The following GRIK1 variants were observed in gnomAD, a reference collection of about 807,000 sequenced individuals.
GRIK1 encodes glutamate ionotropic receptor kainate type subunit 1.
In GRIK1, 69 loss-of-function variants were observed where a neutral mutation model predicts 105.7. That is an observed-to-expected ratio of 0.65 (90% CI 0.54 to 0.80). GRIK1 has a LOEUF of 0.80. Ranked by LOEUF, GRIK1 falls within the 30% of genes least tolerant of loss-of-function variation. The pLI, the probability that GRIK1 is intolerant of heterozygous loss-of-function variation, is 0.00. For missense variants in GRIK1, 1,109 were observed against 1,167.3 expected (o/e 0.95, Z 0.73); for synonymous variants, 438 against 431.3 (o/e 1.02, Z -0.19).
chr21:29,821,752 T>C (rs1338335531), intron 1 of GRIK1, among the ~76,000 whole-genome samples: 1 of 152,086 alleles, frequency 6.6e-6, no homozygotes, highest in Non-Finnish European at 1.5e-5. Flanking sequence ...TGTAAGTGGT[T>C]GTGTAAGTTT....
chr21:29,907,180 AG>A (rs1291669979), intron 1 of GRIK1, among the ~76,000 whole-genome samples: 1 of 151,932 alleles, frequency 6.6e-6, no homozygotes, highest in African/African-American at 2.4e-5. Context: ...GAAAAAAAAA[AG>A]AATTCAATAC....
chr21:29,634,725 G>A lies in GRIK1; in HGVS notation c.1098+8101C>T, dbSNP rs138762543. On this transcript the variant is annotated intron_variant, in intron 7 of 17. Coordinates refer to ENST00000327783, the MANE Select transcript of GRIK1 (RefSeq NM_001330994.2). ...GCAGAGGTTCAGGAAAGGCTTTCTA[G>A]AGAAAAGAAATTCTAAGAGTTGGTC... Among the ~76,000 whole-genome samples, 6 of 152,276 alleles carry A rather than the reference G, an allele frequency of 3.9e-5. No individual in the cohort carries two copies. In the East Asian group the frequency reaches 9.7e-4, roughly 25 times the overall value.
chr21:29,815,004 T>C (rs1244929848), intron 1 of GRIK1, among the ~76,000 whole-genome samples: 1 of 152,148 alleles, frequency 6.6e-6, no homozygotes, highest in Non-Finnish European at 1.5e-5. Context: ...TTTTATAAGC[T>C]TGTTTTGAGT....
At chr21:29,634,651 C>A (rs920159617) in intron 7 of GRIK1, among the ~76,000 whole-genome samples, 1 of 152,090 alleles carries the variant, frequency 6.6e-6, no homozygotes, top group African/African-American at 2.4e-5. Context: ...TAAGTGCTAA[C>A]ATAAAGATAT....
At chr21:29,665,017 A>T (rs1363968882) in intron 4 of GRIK1, among the ~76,000 whole-genome samples, 1 of 152,228 alleles carries the variant, frequency 6.6e-6, no homozygotes, top group Admixed American at 6.5e-5. Context: ...TTCCACTGCA[A>T]GGAAAATTTT....
intron 1 of GRIK1, among the ~76,000 whole-genome samples, chr21:29,796,472 GTATAA>G (rs1208162981): frequency 6.6e-6 from 1 of 151,856 alleles, no homozygotes; most frequent in African/African-American, 2.4e-5. Context: ...AATTATATCT[GTATAA>G]TATATTATAC....
chr21:29,707,450 C>CCTTCCTTCCTTCCTT (rs2063940140), intron 1 of GRIK1, among the ~76,000 whole-genome samples: 3 of 71,546 alleles, frequency 4.2e-5, no homozygotes, highest in African/African-American at 5.7e-5. Flanking sequence ...CTCCCTCCCT[C>CCTTCCTTCCTTCCTT]CCTCCCTCCC....
rs1040273449 is a variant in GRIK1, at chr21:29,654,735, G to A, written c.780+75C>T. On this transcript the variant is annotated intron_variant, in intron 5 of 17. Transcript: ENST00000327783. ...TGACAATATCCTGCCTTTGACACTG[G>A]TGAGGCCGACTCTGAAATAACTGTG... 8.0e-5 allele frequency: 69 copies of A among 861,510 alleles called. No homozygotes were observed. The African/African-American group carries it at 1.1e-3, about 13-fold the overall frequency. The allele number at this position is 861,510 out of a possible 1,614,324, so 53.4% of individuals were successfully genotyped here.
At chr21:29,580,935 G>A (rs976018930) in intron 13 of GRIK1, among the ~76,000 whole-genome samples, 2 of 152,130 alleles carry the variant, frequency 1.3e-5, no homozygotes, top group South Asian at 2.1e-4. Flanking sequence ...TACCAATTGA[G>A]GGAGATTGTG....
intron 7 of GRIK1, among the ~76,000 whole-genome samples, chr21:29,639,867 A>G (rs1025628583): frequency 6.6e-6 from 1 of 152,202 alleles, no homozygotes; most frequent in African/African-American, 2.4e-5. Context: ...GAGAGCTAAC[A>G]TAGTAACATA....
chr21:29,897,907 C>G (rs2070231794), intron 1 of GRIK1, among the ~76,000 whole-genome samples: 1 of 152,160 alleles, frequency 6.6e-6, no homozygotes, highest in South Asian at 2.1e-4. Flanking sequence ...ACTGCCATAT[C>G]TTATCTTATA....
chr21:29,562,505 A>G (rs960588146), intron 14 of GRIK1, among the ~76,000 whole-genome samples: 3 of 152,152 alleles, frequency 2.0e-5, no homozygotes, highest in African/African-American at 7.2e-5. Flanking sequence ...AAAAAATACA[A>G]TTAGCCAGGT....
intron 1 of GRIK1, among the ~76,000 whole-genome samples, chr21:29,816,123 A>T (rs1253437649): frequency 2.0e-5 from 3 of 152,150 alleles, no homozygotes; most frequent in Admixed American, 6.6e-5. Flanking sequence ...TCCCATTAAA[A>T]TGTGGGCAAA....
At chr21:29,559,524 C>T (rs2090341356) in intron 15 of GRIK1, among the ~76,000 whole-genome samples, 1 of 152,156 alleles carries the variant, frequency 6.6e-6, no homozygotes, top group African/African-American at 2.4e-5. Context: ...AAGAAGGTAG[C>T]TGTAAATCTT....
chr21:29,819,096 A>G (rs1423672207), intron 1 of GRIK1, among the ~76,000 whole-genome samples: 1 of 152,146 alleles, frequency 6.6e-6, no homozygotes, highest in African/African-American at 2.4e-5. Context: ...CAGGATTTAT[A>G]TGGCAAGCTA....
chr21:29,722,165 G>A (rs2064338689), intron 1 of GRIK1, among the ~76,000 whole-genome samples: 1 of 151,990 alleles, frequency 6.6e-6, no homozygotes, highest in South Asian at 2.1e-4. Context: ...CCTTCCCTGT[G>A]GTCCTCACTG....
intron 1 of GRIK1, among the ~76,000 whole-genome samples, chr21:29,702,489 G>A (rs757042472): frequency 6.6e-6 from 1 of 151,626 alleles, no homozygotes; most frequent in East Asian, 1.9e-4. Flanking sequence ...AGGCAGATGG[G>A]TCACTTGAGG....
chr21:29,930,386 C>T (rs1054705332), intron 1 of GRIK1, among the ~76,000 whole-genome samples: 1 of 152,066 alleles, frequency 6.6e-6, no homozygotes, highest in Non-Finnish European at 1.5e-5. Flanking sequence ...AAAAGAAAAC[C>T]TTTAAAAGTT....
At chr21:29,659,880 T>A (rs1160304008) in intron 4 of GRIK1, among the ~76,000 whole-genome samples, 1 of 152,110 alleles carries the variant, frequency 6.6e-6, no homozygotes, top group Non-Finnish European at 1.5e-5. Context: ...GAGAATCACT[T>A]GAACCTGGTA....
Sources: allele counts gnomAD v4.1 joint callset (sites outside exome capture counted in the v4.1 genomes callset), GRCh38; gene constraint gnomAD v4.1.1; transcripts MANE v1.5; gene names NCBI Gene and HGNC (gene_info 2026-07-23, HGNC 2026-07-21).